FSIP1: variants seen among roughly 807,000 people sequenced by gnomAD.
FSIP1 encodes the protein fibrous sheath interacting protein 1.
A neutral mutation model predicts 60.9 loss-of-function variants in FSIP1; 65 were observed. That is an observed-to-expected ratio of 1.07 (90% CI 0.87 to 1.31). The LOEUF is 1.31. Among genes scored for constraint, FSIP1 ranks in the 40% most tolerant of loss-of-function variants. The probability of loss-of-function intolerance (pLI) is 0.00; values close to 1 mark genes in which losing one functional copy is unlikely to be tolerated. For synonymous variants in FSIP1, 209 were observed against 221.2 expected, an observed-to-expected ratio of 0.94 and a Z score of 0.49; for missense variants, 675 against 665.5, an observed-to-expected ratio of 1.01 and a Z score of -0.16.
chr15:39,758,980 A>G (rs993638774), intron 5 of FSIP1, among the ~76,000 whole-genome samples: 2 of 152,072 alleles, frequency 1.3e-5, no homozygotes, highest in African/African-American at 2.4e-5. Flanking sequence ...AAATTGGGGG[A>G]AAAAAACAAA....
At chr15:39,667,672 A>C (rs1365742564) in intron 10 of FSIP1, among the ~76,000 whole-genome samples, 1 of 152,112 alleles carries the variant, frequency 6.6e-6, no homozygotes, top group Admixed American at 6.5e-5. Flanking sequence ...TTAGCGGGAG[A>C]GTGAGAGAGA....
chr15:39,656,112 T>C (rs1893060582), intron 10 of FSIP1, among the ~76,000 whole-genome samples: 1 of 152,054 alleles, frequency 6.6e-6, no homozygotes, highest in Non-Finnish European at 1.5e-5. Flanking sequence ...CCTAAAAAGA[T>C]GTTTGTCGAC....
intron 1 of FSIP1, among the ~76,000 whole-genome samples, chr15:39,778,286 G>T (rs376752507): frequency 1.3e-5 from 2 of 152,146 alleles, no homozygotes; most frequent in Non-Finnish European, 2.9e-5. Flanking sequence ...GGAAGCATGC[G>T]CAGAACCGCA....
intron 10 of FSIP1, among the ~76,000 whole-genome samples, chr15:39,618,627 G>A (rs1891330032): frequency 6.6e-6 from 1 of 152,192 alleles, no homozygotes; most frequent in Admixed American, 6.5e-5. Flanking sequence ...GGTGCATCCT[G>A]CAATGTGTCG....
At chr15:39,688,313 AC>A (rs1480276630) in intron 10 of FSIP1, among the ~76,000 whole-genome samples, 1 of 152,116 alleles carries the variant, frequency 6.6e-6, no homozygotes, top group Admixed American at 6.5e-5. Context: ...AATACACCTA[AC>A]CTACTGAACA....
intron 10 of FSIP1, among the ~76,000 whole-genome samples, chr15:39,696,870 CTGTGTGTGTGTGTGTGTGTGTGTGTG>C (rs67940382): frequency 2.2e-4 from 25 of 111,836 alleles, no homozygotes; most frequent in South Asian, 1.3e-3. Flanking sequence ...GAAGGGGTGT[CTGTGTGTGTGTGTGTGTGTGTGTGTG>C]TGTGTGTGTG....
At chr15:39,770,655 T>C (rs546156952) in intron 2 of FSIP1, 45 bp from the exon 3 acceptor site, 117 of 1,230,666 alleles carry the variant, frequency 9.5e-5, no homozygotes, top group Non-Finnish European at 1.2e-4. Context: ...AAATACTGTC[T>C]TTTTTTAAAC....
downstream of FSIP1, among the ~76,000 whole-genome samples, chr15:39,599,633 G>A (rs796794712): frequency 8.6e-5 from 13 of 150,700 alleles, no homozygotes; most frequent in Middle Eastern, 3.4e-3. Context: ...AAACGCTGAC[G>A]GACAACACTG....
intron 11 of FSIP1, among the ~76,000 whole-genome samples, chr15:39,605,023 C>G (rs544409484): frequency 3.4e-4 from 52 of 152,298 alleles, no homozygotes; most frequent in South Asian, 1.7e-3. Flanking sequence ...CAAACCACTG[C>G]AACACCCTTA....
intron 10 of FSIP1, among the ~76,000 whole-genome samples, chr15:39,629,178 A>G (rs1245481486): frequency 1.3e-5 from 2 of 152,128 alleles, no homozygotes; most frequent in Non-Finnish European, 2.9e-5. Flanking sequence ...GTAAGCTGTC[A>G]TGTGTACTCT....
intron 10 of FSIP1, among the ~76,000 whole-genome samples, chr15:39,676,238 G>A (rs1446178671): frequency 6.6e-6 from 1 of 150,996 alleles, no homozygotes; most frequent in Non-Finnish European, 1.5e-5. Context: ...TGAGAAACTA[G>A]TGGACCAGAA....
At position 39,656,381 on chromosome 15, in the gene FSIP1, G is replaced by A. The variant is rs370930023; in HGVS notation, c.1189-38136C>T. ...GCGCCAATGAAAGTAAAACCAAAAC[G>A]AAGTTACAAACCCAGGTAATATTGT... On this transcript the variant is annotated intron_variant, in intron 10 of 11. Transcript: ENST00000350221. 3.4e-4 allele frequency among the ~76,000 whole-genome samples: 52 copies of A among 152,254 alleles called. No individual in the cohort carries two copies. In the East Asian group the frequency reaches 8.3e-3, roughly 24 times the overall value.
At chr15:39,782,365 G>A (rs1432272417) in intron 1 of FSIP1, among the ~76,000 whole-genome samples, 1 of 152,176 alleles carries the variant, frequency 6.6e-6, no homozygotes, top group Non-Finnish European at 1.5e-5. Flanking sequence ...CTAGATCTTG[G>A]TGGGAAGATC....
intron 10 of FSIP1, among the ~76,000 whole-genome samples, chr15:39,686,953 T>A (rs1894395746): frequency 6.6e-6 from 1 of 152,060 alleles, no homozygotes; most frequent in African/African-American, 2.4e-5. Context: ...CATCCCAGTT[T>A]CAGGTAGCTA....
intron 5 of FSIP1, among the ~76,000 whole-genome samples, chr15:39,745,755 C>T (rs1896970824): frequency 6.6e-6 from 1 of 152,154 alleles, no homozygotes; most frequent in Non-Finnish European, 1.5e-5. Flanking sequence ...CAGACAGTGG[C>T]CCTAGCTGGG....
In FSIP1 at chr15:39,623,119, G is replaced by A. The variant is rs145550769; in HGVS notation, c.1189-4874C>T. Among the ~76,000 whole-genome samples, 917 of 152,008 alleles carry A rather than the reference G, an allele frequency of 6.0e-3. 14 individuals are homozygous for A. Among genetic ancestry groups the A allele is most frequent in the African/African-American group, 0.021 (865 of 41,450 alleles). ...TTGATGTAGAAGCTAAATTTGATGA[G>A]GAATGCAACTTGTAATTGCTGGAGA... On this transcript the variant is annotated intron_variant, in intron 10 of 11. Transcript: ENST00000350221.
intron 10 of FSIP1, among the ~76,000 whole-genome samples, chr15:39,618,481 C>T (rs1891322276): frequency 6.8e-6 from 1 of 147,752 alleles, no homozygotes; most frequent in African/African-American, 2.5e-5. Context: ...ATCCCACCAC[C>T]ATCCAATTCC....
In FSIP1 at chr15:39,739,761, C is replaced by T. The variant is rs1896743205; in HGVS notation, c.684G>A (p.Glu228=). ...GTTTCTTTCCTGATTTGATCAATGA[C>T]TCATTTCTTTCCACATCACAGGTAA... ...KDFTCDVERN[E]SLIKSGKKPF... is the part of the protein sequence containing the mutation. The change falls in exon 7 of 12, where the codon GAG becomes GAA. Residue 228 remains glutamate (E), a synonymous_variant. Coordinates refer to ENST00000350221, the MANE Select transcript of FSIP1 (RefSeq NM_152597.5). 1 of 1,581,334 alleles carries T rather than the reference C, an allele frequency of 6.3e-7. No homozygotes were observed. Among genetic ancestry groups the T allele is most frequent in the Middle Eastern group, 1.7e-4 (1 of 5,980 alleles).
Position 39,749,928 on chromosome 15 carries a change from A to C in FSIP1, c.560-8028T>G, listed in dbSNP as rs60403575. Among the ~76,000 whole-genome samples the C allele has an allele frequency of 5.6e-3, 845 of 152,136 alleles. 6 individuals are homozygous for C. Among genetic ancestry groups the C allele is most frequent in the African/African-American group, 0.019 (788 of 41,568 alleles). The stretch of plus-strand genomic sequence containing the variant: ...TAGAAAACCTCACAGATTCCACCAG[A>C]AAAAAACTATTAGAAGTAATAAATA... On this transcript the variant is annotated intron_variant, in intron 5 of 11. Coordinates refer to ENST00000350221, the MANE Select transcript of FSIP1 (RefSeq NM_152597.5).
Sources: gnomAD v4.1 joint callset for allele counts (sites outside exome capture counted in the v4.1 genomes callset) on GRCh38, gnomAD v4.1.1 for gene constraint, MANE v1.5 for transcripts, NCBI Gene and HGNC (gene_info 2026-07-23, HGNC 2026-07-21) for gene names.